The following DNAH7 variants were observed in gnomAD, a reference collection of about 807,000 sequenced individuals.
DNAH7 encodes the protein dynein axonemal heavy chain 7.
DNAH7 carries 397 observed loss-of-function variants against 444.6 expected under a neutral mutation model. The ratio of observed to expected loss-of-function variants is 0.89; its 90% CI spans 0.82 to 0.97. The LOEUF (loss-of-function observed/expected upper bound fraction) is 0.97. DNAH7 is among the 50% of genes least tolerant of loss of function. The probability of loss-of-function intolerance (pLI) is 0.00; values close to 1 mark genes in which losing one functional copy is unlikely to be tolerated. For synonymous variants in DNAH7, 1,636 were observed against 1,624.4 expected (o/e 1.01, Z -0.17); for missense variants, 4,902 against 4,800.8 (o/e 1.02, Z -0.62).
intron 30 of DNAH7, among the ~76,000 whole-genome samples, chr2:195,892,154 T>C (rs987068460): frequency 6.6e-6 from 1 of 152,232 alleles, no homozygotes; most frequent in African/African-American, 2.4e-5. Flanking sequence ...AAATATTATA[T>C]AGGCTTTGCA....
At chr2:195,787,315 T>C in intron 57 of DNAH7, 144 bp from the exon 58 acceptor site, 1 of 890,218 alleles carries the variant, frequency 1.1e-6, no homozygotes, top group Non-Finnish European at 1.7e-6. Context: ...ATAACAGAGT[T>C]AAGTATGTTT....
intron 15 of DNAH7, among the ~76,000 whole-genome samples, chr2:195,980,751 A>C (rs1251560662): frequency 6.6e-6 from 1 of 152,152 alleles, no homozygotes; most frequent in African/African-American, 2.4e-5. Flanking sequence ...GAAGGACAAA[A>C]TTCATATGAC....
At chr2:195,854,795 A>C (rs78424901) in intron 45 of DNAH7, among the ~76,000 whole-genome samples, 1,584 of 152,352 alleles carry the variant, frequency 0.01, 21 homozygotes, top group Non-Finnish European at 0.016. Context: ...TCAAACATAT[A>C]GGAGAGTTGA....
chr2:195,840,649 T>C lies in DNAH7; in HGVS notation c.8945+4353A>G, dbSNP rs530927778. 3.3e-5 allele frequency among the ~76,000 whole-genome samples: 5 copies of C among 151,984 alleles called. No individual in the cohort carries two copies. In the East Asian group the frequency reaches 7.7e-4, roughly 23 times the overall value. ...ATCCCAGAACTAATAAATGAGTTTA[T>C]TAAAGCTACAGGGTAAAAAGTCAAT... On this transcript the variant is annotated intron_variant, in intron 47 of 64. Transcript: ENST00000312428.
At chr2:195,781,976 T>TACACACACACACACAC (rs59244207) in intron 58 of DNAH7, among the ~76,000 whole-genome samples, 30 of 129,834 alleles carry the variant, frequency 2.3e-4, no homozygotes, top group South Asian at 1.1e-3. Flanking sequence ...GTGGGTCTTA[T>TACACACACACACACAC]ACACACACAC....
chr2:195,880,064 T>C lies in DNAH7; in HGVS notation c.5961+1731A>G, dbSNP rs538541360. Among the ~76,000 whole-genome samples the C allele has an allele frequency of 1.3e-4, 20 of 152,262 alleles. No homozygotes were observed. The South Asian group carries it at 2.3e-3, about 17-fold the overall frequency. ...ATTTAAAATATAAATAGACATGCAA[T>C]AATTTGAAGAGAAAAATCACTTTAA... is the stretch of plus-strand genomic sequence containing the variant. On this transcript the variant is annotated intron_variant, in intron 36 of 64. Coordinates refer to ENST00000312428, the MANE Select transcript of DNAH7 (RefSeq NM_018897.3).
chr2:195,771,299 G>C (rs1694828585), intron 61 of DNAH7, among the ~76,000 whole-genome samples: 1 of 151,892 alleles, frequency 6.6e-6, no homozygotes, highest in African/African-American at 2.4e-5. Context: ...GTAATCACAT[G>C]ACTATACTCC....
At chr2:195,765,476 A>G (rs539035105) in intron 61 of DNAH7, among the ~76,000 whole-genome samples, 8 of 152,326 alleles carry the variant, frequency 5.3e-5, no homozygotes, top group South Asian at 2.1e-4. Context: ...CAAACTACCT[A>G]TCTGATGAGA....
At chr2:195,857,785 G>A in intron 43 of DNAH7, 62 bp from the exon 44 acceptor site, 1 of 1,388,686 alleles carries the variant, frequency 7.2e-7, no homozygotes, top group East Asian at 2.4e-5. Flanking sequence ...ATTGTAAGTG[G>A]TTCCTATTTT....
intron 61 of DNAH7, 88 bp from the exon 62 acceptor site, chr2:195,756,373 A>C: frequency 8.4e-7 from 1 of 1,184,000 alleles, no homozygotes. Flanking sequence ...CTTCATGATT[A>C]TCCTTTGTTT....
intron 22 of DNAH7, among the ~76,000 whole-genome samples, chr2:195,925,373 A>T (rs1336767895): frequency 1.3e-5 from 2 of 152,178 alleles, no homozygotes; most frequent in Admixed American, 1.3e-4. Flanking sequence ...GGTAGCTTAA[A>T]AGTAGAAAGA....
chr2:196,001,610 C>T, intron 11 of DNAH7, 65 bp downstream of exon 11: 2 of 1,325,306 alleles, frequency 1.5e-6, no homozygotes, highest in Non-Finnish European at 2.0e-6. Flanking sequence ...TGTTATTTTC[C>T]TCTCTGAAAT....
Position 195,942,066 on chromosome 2 carries a change from C to T in DNAH7, c.3079-5274G>A, listed in dbSNP as rs367561771. On this transcript the variant is annotated intron_variant, in intron 19 of 64. Transcript: ENST00000312428. ...AAGATCCCAGCCTCCATGGGGGAGA[C>T]AGACAATAAATAACAAACATCATAT... Among the ~76,000 whole-genome samples, 10 of 152,072 alleles carry T rather than the reference C, an allele frequency of 6.6e-5. No homozygotes were observed. The East Asian group carries it at 1.5e-3, about 23-fold the overall frequency.
intron 51 of DNAH7, among the ~76,000 whole-genome samples, chr2:195,812,314 T>G (rs368060257): frequency 6.6e-6 from 1 of 152,124 alleles, no homozygotes; most frequent in Non-Finnish European, 1.5e-5. Flanking sequence ...TTAAACTCTT[T>G]CTTTATCACA....
At chr2:195,883,364 C>A (rs1484432933) in intron 35 of DNAH7, among the ~76,000 whole-genome samples, 1 of 151,746 alleles carries the variant, frequency 6.6e-6, no homozygotes, top group African/African-American at 2.4e-5. Flanking sequence ...AGGAGAATGG[C>A]GTGAACCTGG....
chr2:195,749,629 A>C (rs1316134354), intron 63 of DNAH7, among the ~76,000 whole-genome samples: 1 of 151,090 alleles, frequency 6.6e-6, no homozygotes, highest in Non-Finnish European at 1.5e-5. Context: ...TGGCACATAT[A>C]CACCATGGAA....
chr2:195,798,775 T>C (rs1696298998), intron 55 of DNAH7, among the ~76,000 whole-genome samples: 1 of 152,062 alleles, frequency 6.6e-6, no homozygotes, highest in Admixed American at 6.5e-5. Context: ...CTCGATGTCC[T>C]GACCTCGTGA....
At chr2:195,786,879 G>T in intron 58 of DNAH7, 131 bp downstream of exon 58, 1 of 882,734 alleles carries the variant, frequency 1.1e-6, no homozygotes, top group Non-Finnish European at 1.6e-6. Context: ...TACTTAATAA[G>T]CTGTTGGGAA....
Position 195,794,402 on chromosome 2 carries a change from A to C in DNAH7, c.10652T>G (p.Ile3551Ser). The change falls in exon 57 of 65, where the codon ATC becomes AGC. Residue 3551 changes from isoleucine (I) to serine (S), a missense_variant. Coordinates refer to ENST00000312428, the MANE Select transcript of DNAH7 (RefSeq NM_018897.3). ...NEAPKGLRAN[I>S]IRSYLMDPIS... ...CGGGTCCATGAGGTATGATCGAATGATATTAGCCCGTAAACCTTTTGGTGC... is the reference window on the plus strand; with the variant it reads ...CGGGTCCATGAGGTATGATCGAATGCTATTAGCCCGTAAACCTTTTGGTGC... 2 of 1,614,154 alleles carry C rather than the reference A, an allele frequency of 1.2e-6. No homozygotes were observed. The highest frequency in any genetic ancestry group is 1.7e-6 in the Non-Finnish European group (2 of 1,180,014).
Sources: gnomAD v4.1 joint callset for allele counts (sites outside exome capture counted in the v4.1 genomes callset) on GRCh38, gnomAD v4.1.1 for gene constraint, MANE v1.5 for transcripts, NCBI Gene and HGNC (gene_info 2026-07-23, HGNC 2026-07-21) for gene names.